TENM3: variants seen among roughly 807,000 people sequenced by gnomAD.
TENM3 encodes teneurin transmembrane protein 3.
TENM3 carries 63 observed loss-of-function variants against 255.1 expected under a neutral mutation model. That is an observed-to-expected ratio of 0.25 (90% CI 0.20 to 0.30). The LOEUF is 0.30. Among genes scored for constraint, TENM3 ranks in the 10% least tolerant of loss-of-function variants. TENM3 has a pLI of 1.00. For synonymous variants in TENM3, 1,306 were observed against 1,322.3 expected (o/e 0.99, Z 0.27); for missense variants, 2,929 against 3,461.1 (o/e 0.85, Z 3.86).
At chr4:181,846,419 A>C in the TENM3 span, among the ~76,000 whole-genome samples, 2 of 152,128 alleles carry the variant, frequency 1.3e-5, no homozygotes, top group African/African-American at 2.4e-5. Flanking sequence ...TGTCTTTGTG[A>C]GGCTCTCTCC....
chr4:182,599,675 T>A (rs1206841742), intron 3 of TENM3, among the ~76,000 whole-genome samples: 1 of 152,228 alleles, frequency 6.6e-6, no homozygotes, highest in African/African-American at 2.4e-5. Flanking sequence ...CAAACTGAAT[T>A]ACAATGTTAA....
chr4:182,479,050 A>G (rs977871514), intron 3 of TENM3, among the ~76,000 whole-genome samples: 1 of 151,912 alleles, frequency 6.6e-6, no homozygotes, highest in Non-Finnish European at 1.5e-5. Flanking sequence ...TTTTTTGAAA[A>G]TTGTAGTTGG....
intron 1 of TENM3, among the ~76,000 whole-genome samples, chr4:182,193,535 C>A (rs1048025327): frequency 6.6e-6 from 1 of 152,178 alleles, no homozygotes; most frequent in Non-Finnish European, 1.5e-5. Flanking sequence ...TGACCGGAGG[C>A]ACATTAAAAA....
At chr4:182,087,573 G>A in the TENM3 span, among the ~76,000 whole-genome samples, 431 of 152,224 alleles carry the variant, frequency 2.8e-3, 3 homozygotes, top group Non-Finnish European at 4.6e-3. Context: ...GTTAATGAAG[G>A]ATGGAAGTCT....
At chr4:181,456,115 A>G in the TENM3 span, among the ~76,000 whole-genome samples, 19,595 of 116,636 alleles carry the variant, frequency 0.17, 1,458 homozygotes, top group East Asian at 0.29. Flanking sequence ...GTGTGTGTGT[A>G]TATATATATA....
the TENM3 span, among the ~76,000 whole-genome samples, chr4:181,968,994 A>C: frequency 2.9e-3 from 358 of 122,526 alleles, 1 homozygote; most frequent in East Asian, 6.1e-3. Context: ...CTCTCTCTCT[A>C]TATACATATA....
At position 182,731,129 on chromosome 4, in the gene TENM3, C is replaced by T; in HGVS notation, c.2957C>T (p.Pro986Leu). The change falls in exon 16 of 28, where the codon CCC becomes CTC. Residue 986 changes from proline to leucine, a missense_variant. By Grantham distance (98) the Pro-to-Leu change is moderately conservative. This residue lies in a region of TENM3 where 1,608 missense variants were observed against 1,884.4 expected (regional missense o/e 0.85). Coordinates refer to ENST00000511685, the MANE Select transcript of TENM3 (RefSeq NM_001080477.4). Reference sequence around the variant, plus strand: ...TCTCCTGAAGACAGTCCCATCATTCCCGAAACACAGGTAAAATATTCTCAC... The same window carrying T: ...TCTCCTGAAGACAGTCCCATCATTCTCGAAACACAGGTAAAATATTCTCAC... ...RSSPEDSPIIPETQVLHEETT... is the reference protein window; with the variant it reads ...RSSPEDSPIILETQVLHEETT... The T allele has an allele frequency of 6.2e-7, 1 of 1,613,354 alleles. No individual in the cohort carries two copies. Among genetic ancestry groups the T allele is most frequent in the Non-Finnish European group, 8.5e-7 (1 of 1,179,664 alleles).
At chr4:182,384,311 G>GTTTTTTTTTTTTTTTTTTTTTTTTTTT (rs10638816) in intron 3 of TENM3, among the ~76,000 whole-genome samples, 1 of 147,862 alleles carries the variant, frequency 6.8e-6, no homozygotes, top group Non-Finnish European at 1.5e-5. Context: ...CTGTGGTTCA[G>GTTTTTTTTTTTTTTTTTTTTTTTTTTT]TTTTTTTTTT....
intron 3 of TENM3, among the ~76,000 whole-genome samples, chr4:182,540,370 A>G (rs1344240625): frequency 3.3e-5 from 5 of 152,138 alleles, no homozygotes; most frequent in Non-Finnish European, 5.9e-5. Flanking sequence ...CGGGCGGATC[A>G]CCTGAGGTCA....
intron 13 of TENM3, among the ~76,000 whole-genome samples, chr4:182,723,911 A>G (rs1479873018): frequency 1.3e-5 from 2 of 152,218 alleles, no homozygotes; most frequent in East Asian, 1.9e-4. Context: ...CTTTGGTTCT[A>G]CAAAATAATT....
the TENM3 span, among the ~76,000 whole-genome samples, chr4:181,845,107 G>T: frequency 6.6e-6 from 1 of 152,130 alleles, no homozygotes; most frequent in Non-Finnish European, 1.5e-5. Context: ...TATAATTAAA[G>T]ACATTCAATT....
At chr4:182,551,747 A>T (rs567536683) in intron 3 of TENM3, among the ~76,000 whole-genome samples, 1 of 152,156 alleles carries the variant, frequency 6.6e-6, no homozygotes, top group Admixed American at 6.5e-5. Flanking sequence ...TGGGCCATGC[A>T]CAGTAGCTCA....
the TENM3 span, among the ~76,000 whole-genome samples, chr4:181,625,820 AAATAAT>A: frequency 2.0e-5 from 3 of 147,784 alleles, no homozygotes; most frequent in Non-Finnish European, 4.5e-5. Context: ...TCTCAAAAAA[AAATAAT>A]AATAATAACA....
chr4:182,790,372 G>C (rs572536964), intron 25 of TENM3, among the ~76,000 whole-genome samples: 50 of 152,152 alleles, frequency 3.3e-4, no homozygotes, highest in Non-Finnish European at 6.0e-4. Context: ...TTGTCACTGT[G>C]CTCCCCTCAC....
At chr4:181,674,245 G>T in the TENM3 span, among the ~76,000 whole-genome samples, 1 of 152,128 alleles carries the variant, frequency 6.6e-6, no homozygotes, top group Non-Finnish European at 1.5e-5. Flanking sequence ...TAATCAGCCT[G>T]CCTTGGCCTC....
intron 3 of TENM3, among the ~76,000 whole-genome samples, chr4:182,580,284 C>T (rs1427262645): frequency 6.6e-6 from 1 of 152,036 alleles, no homozygotes; most frequent in Non-Finnish European, 1.5e-5. Context: ...CTTCCTCTGA[C>T]TCTTTTCTGT....
chr4:182,347,462 AGT>A (rs1561348854), intron 3 of TENM3, among the ~76,000 whole-genome samples: 1 of 152,206 alleles, frequency 6.6e-6, no homozygotes, highest in Non-Finnish European at 1.5e-5. Context: ...TAAACTTAAG[AGT>A]TGATGAGAGC....
At chr4:181,915,311 A>C in the TENM3 span, among the ~76,000 whole-genome samples, 1 of 152,174 alleles carries the variant, frequency 6.6e-6, no homozygotes, top group Non-Finnish European at 1.5e-5. Context: ...TTTCCAGCAC[A>C]TTCCCTTGGA....
At chr4:181,539,068 T>A in the TENM3 span, among the ~76,000 whole-genome samples, 1 of 152,216 alleles carries the variant, frequency 6.6e-6, no homozygotes, top group Non-Finnish European at 1.5e-5. Flanking sequence ...TCCCTTTGTA[T>A]TTTTCACACT....
Sources: allele counts gnomAD v4.1 joint callset (sites outside exome capture counted in the v4.1 genomes callset), GRCh38; gene constraint gnomAD v4.1.1; regional missense constraint gnomAD v4.1.1; transcripts MANE v1.5; gene names NCBI Gene and HGNC (gene_info 2026-07-23, HGNC 2026-07-21).